Variants in TMEM114 observed in about 807,000 individuals in gnomAD.
TMEM114 encodes the protein transmembrane protein 114.
A neutral mutation model predicts 6.2 loss-of-function variants in TMEM114; 6 were observed. The observed-to-expected ratio is 0.97, with a 90% CI of 0.53 to 1.91. The LOEUF is 1.91. Among genes scored for constraint, TMEM114 ranks in the 40% most tolerant of loss-of-function variants. TMEM114 has a pLI of 0.01. For missense variants in TMEM114, 218 were observed against 158.3 expected, an observed-to-expected ratio of 1.38 and a Z score of -2.02; for synonymous variants, 104 against 73.0, an observed-to-expected ratio of 1.42 and a Z score of -2.16.
chr16:8,545,916 A>C (rs941606277), intron 2 of TMEM114, among the ~76,000 whole-genome samples: 2 of 152,090 alleles, frequency 1.3e-5, no homozygotes, highest in Admixed American at 6.5e-5. Flanking sequence ...AGAGTTTGAA[A>C]CCAGCCTGGG....
intron 2 of TMEM114, among the ~76,000 whole-genome samples, chr16:8,587,562 C>T (rs1186069245): frequency 1.3e-5 from 2 of 152,350 alleles, no homozygotes; most frequent in East Asian, 3.9e-4. Flanking sequence ...TAGCATGTTC[C>T]AAGAACTGGC....
downstream of TMEM114, among the ~76,000 whole-genome samples, chr16:8,533,370 G>T (rs201325532): frequency 6.6e-6 from 1 of 152,214 alleles, no homozygotes; most frequent in Non-Finnish European, 1.5e-5. Context: ...AAGTGTCAAG[G>T]TCCTGGAGCA....
chr16:8,540,019 C>T (rs3923445), intron 2 of TMEM114, among the ~76,000 whole-genome samples: 20,237 of 151,828 alleles, frequency 0.13, 1,965 homozygotes, highest in East Asian at 0.26. Context: ...GGTTTCACCA[C>T]GTTGACCAGG....
At chr16:8,537,524 A>AAT (rs1900394649), downstream of TMEM114, 1 of 152,158 alleles carries the variant, frequency 6.6e-6, no homozygotes, top group Non-Finnish European at 1.5e-5. Context: ...CAAACAAAAA[A>AAT]ACAAATATAT....
intron 2 of TMEM114, among the ~76,000 whole-genome samples, chr16:8,559,103 C>T (rs1341022892): frequency 1.3e-5 from 2 of 151,956 alleles, no homozygotes; most frequent in East Asian, 3.9e-4. Flanking sequence ...AGTGCAGTGG[C>T]ATGATCTCGG....
At chr16:8,538,609 G>T (rs940172066) in intron 2 of TMEM114, among the ~76,000 whole-genome samples, 2 of 152,012 alleles carry the variant, frequency 1.3e-5, no homozygotes, top group Non-Finnish European at 2.9e-5. Context: ...TTGGGTCCAC[G>T]CCATTCTCTT....
chr16:8,538,202 G>T (rs558686681), intron 2 of TMEM114, among the ~76,000 whole-genome samples: 2 of 151,104 alleles, frequency 1.3e-5, no homozygotes, highest in African/African-American at 4.9e-5. Flanking sequence ...CTACTCAGGA[G>T]GCTGAAGTAG....
the TMEM114 span, among the ~76,000 whole-genome samples, chr16:8,532,491 A>C: frequency 2.0e-5 from 3 of 152,168 alleles, no homozygotes; most frequent in Non-Finnish European, 4.4e-5. Flanking sequence ...CAGAGCTGCT[A>C]TCCAAGGCCA....
chr16:8,564,018 T>G (rs1488144046), intron 2 of TMEM114, among the ~76,000 whole-genome samples: 1 of 151,038 alleles, frequency 6.6e-6, no homozygotes, highest in African/African-American at 2.5e-5. Flanking sequence ...AATGAGTATG[T>G]GAATGAGTAA....
intron 2 of TMEM114, chr16:8,537,945 G>A (rs1315039722): frequency 1.3e-5 from 2 of 151,966 alleles, no homozygotes; most frequent in African/African-American, 4.8e-5. Context: ...CATAAAACAA[G>A]AGAGAAAAGA....
intron 2 of TMEM114, among the ~76,000 whole-genome samples, chr16:8,582,638 C>T (rs746323016): frequency 1.3e-5 from 2 of 152,172 alleles, no homozygotes; most frequent in African/African-American, 2.4e-5. Flanking sequence ...GCCTGTAATC[C>T]CAGCACTTTG....
chr16:8,570,023 G>T lies in TMEM114; in HGVS notation c.440-18C>A. 6.5e-7 allele frequency: 1 copy of T among 1,542,262 alleles called. No individual in the cohort carries two copies. The highest frequency in any genetic ancestry group is 8.8e-7 in the Non-Finnish European group (1 of 1,140,574). On this transcript the variant is annotated intron_variant, in intron 3 of 3. Transcript: ENST00000620492. ...CACCATGGCTGCAGGGAGGGCAAAGGGAGAGCAGATCAATCCCCCACCCCG... is the reference window on the plus strand; with the variant it reads ...CACCATGGCTGCAGGGAGGGCAAAGTGAGAGCAGATCAATCCCCCACCCCG...
chr16:8,528,814 GCT>G, the TMEM114 span, among the ~76,000 whole-genome samples: 2 of 152,186 alleles, frequency 1.3e-5, no homozygotes, highest in African/African-American at 4.8e-5. Context: ...CTGAGCACGC[GCT>G]CTGTGTGTGC....
chr16:8,526,812 C>T, the TMEM114 span: 1 of 152,342 alleles, frequency 6.6e-6, no homozygotes, highest in South Asian at 2.1e-4. Flanking sequence ...CACCCATCCC[C>T]TGGTCTACAA....
the TMEM114 span, among the ~76,000 whole-genome samples, chr16:8,532,440 A>C: frequency 6.6e-6 from 1 of 152,114 alleles, no homozygotes. Context: ...TTATGATCGA[A>C]ATTGGACACC....
chr16:8,590,426 C>T lies in TMEM114; in HGVS notation c.-588G>A, dbSNP rs1902445363. ...CCAGATCCCCACTCCCAGCCCTGCTCTCCAGGGTCTTCCCGCAGCTCCTGC... is the reference window on the plus strand; with the variant it reads ...CCAGATCCCCACTCCCAGCCCTGCTTTCCAGGGTCTTCCCGCAGCTCCTGC... On this transcript the variant is annotated 5_prime_UTR_variant, in exon 1 of 4. Coordinates refer to ENST00000620492, the MANE Select transcript of TMEM114 (RefSeq NM_001146336.2). 6.6e-6 allele frequency among the ~76,000 whole-genome samples: 1 copy of T among 152,214 alleles called. No homozygotes were observed. Among genetic ancestry groups the T allele is most frequent in the Non-Finnish European group, 1.5e-5 (1 of 68,036 alleles).
At chr16:8,564,325 G>GAAA (rs2141675466) in intron 2 of TMEM114, among the ~76,000 whole-genome samples, 2 of 144,330 alleles carry the variant, frequency 1.4e-5, no homozygotes, top group Non-Finnish European at 3.0e-5. Context: ...GAATGAGTGA[G>GAAA]TTAGAGAATG....
At chr16:8,536,358 A>T (rs1166255057), downstream of TMEM114, among the ~76,000 whole-genome samples, 1 of 152,170 alleles carries the variant, frequency 6.6e-6, no homozygotes, top group Non-Finnish European at 1.5e-5. Context: ...TAATTTGTAC[A>T]TAGCTAACTT....
chr16:8,581,711 C>A (rs1487428466), intron 2 of TMEM114, among the ~76,000 whole-genome samples: 5 of 152,272 alleles, frequency 3.3e-5, no homozygotes, highest in Non-Finnish European at 7.3e-5. Flanking sequence ...ACCTTGGCCT[C>A]CCAAATTGCT....
Sources: gnomAD v4.1 joint callset for allele counts (sites outside exome capture counted in the v4.1 genomes callset) on GRCh38, gnomAD v4.1.1 for gene constraint, MANE v1.5 for transcripts, NCBI Gene and HGNC (gene_info 2026-07-23, HGNC 2026-07-21) for gene names.